KIF1A: variants seen among roughly 807,000 people sequenced by gnomAD.
KIF1A encodes the protein kinesin-like protein KIF1A.
A neutral mutation model predicts 227.3 loss-of-function variants in KIF1A; 46 were observed. The observed-to-expected ratio is 0.20, with a 90% CI of 0.16 to 0.26. The LOEUF (loss-of-function observed/expected upper bound fraction) is 0.26. Ranked by LOEUF, KIF1A falls within the 10% of genes least tolerant of loss-of-function variation. KIF1A has a pLI of 1.00. For synonymous variants in KIF1A, 1,022 were observed against 1,012.8 expected (o/e 1.01, Z -0.17); for missense variants, 1,683 against 2,485.9 (o/e 0.68, Z 6.87).
chr2:240,723,036 G>GTC (rs1403096502), intron 42 of KIF1A, among the ~76,000 whole-genome samples: 4 of 152,210 alleles, frequency 2.6e-5, no homozygotes, highest in Non-Finnish European at 4.4e-5. Flanking sequence ...CGCGTCACGT[G>GTC]TCACACACAC....
intron 12 of KIF1A, 92 bp downstream of exon 12, chr2:240,774,090 CT>C: frequency 1.3e-6 from 1 of 774,468 alleles, no homozygotes; most frequent in Admixed American, 2.2e-5. Flanking sequence ...AGAGTCGCCC[CT>C]GGTCACTGGT....
chr2:240,746,081 C>T lies in KIF1A; in HGVS notation c.3160G>A (p.Val1054Met), dbSNP rs371233697. ...IVEGQGQGADVGPSADEVNNN... is the reference protein window; with the variant it reads ...IVEGQGQGADMGPSADEVNNN... ...TTGACTTCATCGGCTGAGGGCCCCA[C>T]GTCTGCACCCTGGCCCTGGCCCTCC... is the stretch of plus-strand genomic sequence containing the variant. Residue 1054 changes from valine to methionine, a missense_variant, in exon 30 of 49, where the codon GTG (valine) becomes ATG (methionine). This residue lies in a region of KIF1A where 759 missense variants were observed against 1,020.2 expected (regional missense o/e 0.74). Transcript: ENST00000498729. 1.7e-4 allele frequency: 279 copies of T among 1,598,492 alleles called. No individual in the cohort carries two copies. Among genetic ancestry groups the T allele is most frequent in the Non-Finnish European group, 2.2e-4 (256 of 1,173,220 alleles).
At chr2:240,784,822 G>C (rs866248641) in intron 7 of KIF1A, among the ~76,000 whole-genome samples, 167 bp downstream of exon 7, 1 of 152,118 alleles carries the variant, frequency 6.6e-6, no homozygotes, top group African/African-American at 2.4e-5. Flanking sequence ...GGGGCGGGGG[G>C]GGGGACGTCC....
intron 13 of KIF1A, 78 bp from the exon 14 acceptor site, chr2:240,772,674 C>A: frequency 8.2e-7 from 1 of 1,217,924 alleles, no homozygotes; most frequent in Non-Finnish European, 1.2e-6. Context: ...GGGTCAGGCA[C>A]GCCTTTCACA....
At chr2:240,721,957 T>C in intron 43 of KIF1A, 73 bp from the exon 44 acceptor site, 1 of 1,258,658 alleles carries the variant, frequency 7.9e-7, no homozygotes, top group Non-Finnish European at 1.1e-6. Flanking sequence ...TGCAGGCTCT[T>C]CTACCCACCC....
At position 240,788,698 on chromosome 2, in the gene KIF1A, AGGACT is replaced by A. The variant is rs1202005998; in HGVS notation, c.184-473_184-469del. 6.6e-6 allele frequency among the ~76,000 whole-genome samples: 1 copy of A among 151,918 alleles called. No homozygotes were observed. The highest frequency in any genetic ancestry group is 1.5e-5 in the Non-Finnish European group (1 of 67,966). ...GCTGGGGGTCATCCTGGAAGGAGGA[AGGACT>A]GGATGGGGAAGGCAGAAGCGGGGAG... On this transcript the variant is annotated intron_variant, in intron 3 of 48. Coordinates refer to ENST00000498729, the MANE Select transcript of KIF1A (RefSeq NM_001244008.2). The surrounding 1 kb of genome is among the most constrained non-coding windows in gnomAD (Gnocchi z 6.6).
At position 240,813,196 on chromosome 2, in the gene KIF1A, G is replaced by A. The variant is rs557061830; in HGVS notation, c.-61+6926C>T. 4.6e-5 allele frequency among the ~76,000 whole-genome samples: 7 copies of A among 152,380 alleles called. No homozygotes were observed. In the East Asian group the frequency reaches 1.2e-3, roughly 25 times the overall value. Reference sequence around the variant, plus strand: ...GTTTTTCTTAGAATTACAACCGATTGTCATAGAGGAGTGTCCTGGCCACCC... The same window carrying A: ...GTTTTTCTTAGAATTACAACCGATTATCATAGAGGAGTGTCCTGGCCACCC... On this transcript the variant is annotated intron_variant, in intron 1 of 48. Transcript: ENST00000498729.
At position 240,725,333 on chromosome 2, in the gene KIF1A, C is replaced by A. The variant is rs745612845; in HGVS notation, c.4194G>T (p.Lys1398Asn). 17 of 1,611,628 alleles carry A rather than the reference C, an allele frequency of 1.1e-5. 1 individual carries two copies. The highest frequency in any genetic ancestry group is 1.3e-5 in the African/African-American group (1 of 74,922). ...TGCGGATGGAGCGCGAGGCTGGCAG[C>A]TTGGCATCACGGGAATAGAAGACCA... ...FCMVFYSRDAKLPASRSIRNL... is the reference protein window; with the variant it reads ...FCMVFYSRDANLPASRSIRNL... Residue 1398 changes from lysine to asparagine, a missense_variant, in exon 40 of 49, where the codon AAG becomes AAT. This residue lies in a region of KIF1A where 759 missense variants were observed against 1,020.2 expected (regional missense o/e 0.74). Coordinates refer to ENST00000498729, the MANE Select transcript of KIF1A (RefSeq NM_001244008.2). The surrounding 1 kb of genome is among the most constrained non-coding windows in gnomAD (Gnocchi z 5.8).
In KIF1A at chr2:240,769,311, C is replaced by T. The variant is rs1013253786; in HGVS notation, c.1422-103G>A. On this transcript the variant is annotated intron_variant, in intron 16 of 48. Transcript: ENST00000498729. ...GGCAGCGGGCCTGTGGCCACCGTGG[C>T]CTGGGTGGTGCCCATGCGTGTCCCA... 3.6e-5 allele frequency: 37 copies of T among 1,029,568 alleles called. No homozygotes were observed. The Admixed American group carries it at 7.9e-4, about 22-fold the overall frequency. The allele number at this position is 1,029,568 out of a possible 1,614,324, so 63.8% of individuals were successfully genotyped here.
At chr2:240,780,208 C>G (rs925756278) in intron 10 of KIF1A, among the ~76,000 whole-genome samples, 1 of 152,022 alleles carries the variant, frequency 6.6e-6, no homozygotes, top group Non-Finnish European at 1.5e-5. Context: ...CCTGGCCCCC[C>G]GCAGTTTCTC....
At chr2:240,730,958 C>T (rs190352944) in intron 38 of KIF1A, among the ~76,000 whole-genome samples, 52 of 152,216 alleles carry the variant, frequency 3.4e-4, no homozygotes, top group African/African-American at 1.2e-3. Flanking sequence ...GTACTGGCCC[C>T]ACCCTCCAAG....
rs56065471 is a variant in KIF1A, at chr2:240,765,073, A to G, written c.1768+637T>C. On this transcript the variant is annotated intron_variant, in intron 20 of 48. Transcript: ENST00000498729. ...ACGTTATCTCACTACATCTCGGTACATGTCTACAGCCATGTCTGTGCATCA... is the reference window on the plus strand; with the variant it reads ...ACGTTATCTCACTACATCTCGGTACGTGTCTACAGCCATGTCTGTGCATCA... Among the ~76,000 whole-genome samples the G allele has an allele frequency of 6.5e-3, 989 of 152,314 alleles. 8 individuals are homozygous for G. The highest frequency in any genetic ancestry group is 0.023 in the African/African-American group (941 of 41,554).
intron 44 of KIF1A, 83 bp downstream of exon 44, chr2:240,721,724 G>T: frequency 9.0e-7 from 1 of 1,114,648 alleles, no homozygotes; most frequent in Non-Finnish European, 1.3e-6. Context: ...TTTCCCACTT[G>T]GAATGGGAGT....
rs1225963450 is a variant in KIF1A, at chr2:240,793,963, T to A, written c.106+3684A>T. Among the ~76,000 whole-genome samples the A allele has an allele frequency of 6.6e-6, 1 of 152,152 alleles. No homozygotes were observed. Among genetic ancestry groups the A allele is most frequent in the Non-Finnish European group, 1.5e-5 (1 of 68,034 alleles). ...CTGGCACACCAGCCAGGGCAGCCAC[T>A]CCCAATTCTATTGATCTGAGCTGCA... On this transcript the variant is annotated intron_variant, in intron 2 of 48. Coordinates refer to ENST00000498729, the MANE Select transcript of KIF1A (RefSeq NM_001244008.2). This position sits in a 1 kb window ranked among gnomAD's most constrained non-coding sequence, Gnocchi z 4.8.
At chr2:240,744,271 C>T (rs1038039248) in intron 32 of KIF1A, among the ~76,000 whole-genome samples, 2 of 152,150 alleles carry the variant, frequency 1.3e-5, no homozygotes, top group Middle Eastern at 3.2e-3. Flanking sequence ...GAGTGTGTCC[C>T]TCGGGCTCTC....
At position 240,723,446 on chromosome 2, in the gene KIF1A, C is replaced by A. The variant is rs2045640006; in HGVS notation, c.4431G>T (p.Gln1477His). The A allele has an allele frequency of 6.4e-7, 1 of 1,551,996 alleles. No homozygotes were observed. The highest frequency in any genetic ancestry group is 8.7e-7 in the Non-Finnish European group (1 of 1,147,882). ...PRSDSLILDH[Q>H]WELEKLSLLQ... is the part of the protein sequence containing the mutation. ...GGAGGCTCAGCTTCTCCAGCTCCCA[C>A]TGGTGGTCCAGAATGAGACTGTCAC... is the stretch of plus-strand genomic sequence containing the variant. Residue 1477 changes from glutamine (Q) to histidine (H), a missense_variant, in exon 42 of 49, where the codon CAG becomes CAT. Transcript: ENST00000498729.
chr2:240,760,778 G>C lies in KIF1A; in HGVS notation c.2331C>G (p.Pro777=), dbSNP rs201495091. ...TCTCTCGGTCTTTGGCGGCCTCTGG[G>C]GGCAGCAGGTCGGGTGGCAGAGGGG... The part of the protein sequence containing the change: ...LYSPLPPDLL[P]PEAAKDRETR... Residue 777 remains proline, a synonymous_variant, in exon 25 of 49, where the codon CCC becomes CCG. Coordinates refer to ENST00000498729, the MANE Select transcript of KIF1A (RefSeq NM_001244008.2). The C allele has an allele frequency of 3.7e-5, 59 of 1,604,680 alleles. No homozygotes were observed. In the East Asian group the frequency reaches 1.3e-3, roughly 35 times the overall value.
chr2:240,786,803 G>GAGGGGATGGGGGCCA lies in KIF1A; in HGVS notation c.430-291_430-290insTGGCCCCCATCCCCT, dbSNP rs1559530249. On this transcript the variant is annotated intron_variant, in intron 5 of 48. Transcript: ENST00000498729. ...ACCCCTGAGTGAGGGGGTGGGGGCT[G>GAGGGGATGGGGGCCA]CCATCAGGACCCCTGAGTGAGAGGG... is the stretch of plus-strand genomic sequence containing the variant. Among the ~76,000 whole-genome samples, 19 of 44,178 alleles carry GAGGGGATGGGGGCCA rather than the reference G, an allele frequency of 4.3e-4. 3 individuals carry two copies. Among genetic ancestry groups the GAGGGGATGGGGGCCA allele is most frequent in the African/African-American group, 2.3e-3 (19 of 8,336 alleles). 29.0% of individuals were successfully genotyped at this position (44,178 alleles called of 152,430 possible).
chr2:240,739,850 T>C lies in KIF1A; in HGVS notation c.3901+208A>G, dbSNP rs2047748568. On this transcript the variant is annotated intron_variant, in intron 37 of 48. Coordinates refer to ENST00000498729, the MANE Select transcript of KIF1A (RefSeq NM_001244008.2). The surrounding 1 kb of genome is among the most constrained non-coding windows in gnomAD (Gnocchi z 5.6). ...CAGCCCCAGAACTCCAATACACTGA[T>C]TAAACAGAAATTTGCAGATCGTCAC... 6.6e-6 allele frequency among the ~76,000 whole-genome samples: 1 copy of C among 152,148 alleles called. No homozygotes were observed. The highest frequency in any genetic ancestry group is 2.4e-5 in the African/African-American group (1 of 41,418).
Sources: gnomAD v4.1 joint callset for allele counts (sites outside exome capture counted in the v4.1 genomes callset) on GRCh38, gnomAD v4.1.1 for gene constraint, gnomAD v4.1.1 regional missense constraint, Gnocchi (gnomAD v3.1) non-coding constraint, MANE v1.5 for transcripts, NCBI Gene and HGNC (gene_info 2026-07-23, HGNC 2026-07-21) for gene names.